The following MYH4 variants were observed in gnomAD, a reference collection of about 807,000 sequenced individuals.
The protein encoded by MYH4 is myosin heavy chain 4, also known as myosin-4.
Under a neutral mutation model 229.9 loss-of-function variants are expected in MYH4, and 200 were observed. That is an observed-to-expected ratio of 0.87 (90% confidence interval 0.78 to 0.98). The LOEUF (loss-of-function observed/expected upper bound fraction) is 0.98, where lower values mean the gene tolerates loss of function less well. MYH4 is among the 50% of genes least tolerant of loss of function. MYH4 has a pLI of 0.00. For missense variants in MYH4, 2,148 were observed against 2,332.6 expected (o/e 0.92, Z 1.63); for synonymous variants, 761 against 834.6 (o/e 0.91, Z 1.52).
intron 15 of MYH4, 131 bp from the exon 16 acceptor site, chr17:10,457,860 G>A: frequency 8.1e-7 from 1 of 1,237,058 alleles, no homozygotes; most frequent in Non-Finnish European, 1.1e-6. Flanking sequence ...GGCATGACAT[G>A]TGAAGCAGTC....
At chr17:10,455,778 A>G (rs2072632364) in intron 18 of MYH4, 36 bp downstream of exon 18, 2 of 1,614,198 alleles carry the variant, frequency 1.2e-6, no homozygotes, top group Non-Finnish European at 1.7e-6. Flanking sequence ...TATCGCACAC[A>G]CACTGGAGCT....
At chr17:10,468,750 A>C (rs2072792280) in intron 2 of MYH4, among the ~76,000 whole-genome samples, 1 of 152,216 alleles carries the variant, frequency 6.6e-6, no homozygotes, top group Non-Finnish European at 1.5e-5. Flanking sequence ...ACTGATGAGG[A>C]AACTAAGGCC....
At chr17:10,461,500 C>A (rs984318973) in intron 11 of MYH4, among the ~76,000 whole-genome samples, 8 of 152,056 alleles carry the variant, frequency 5.3e-5, no homozygotes, top group African/African-American at 1.9e-4. Context: ...AATGCATAAT[C>A]CCAGTCTACC....
At chr17:10,445,422 A>G (rs981971470) in intron 35 of MYH4, 60 bp from the exon 36 acceptor site, 1 of 1,603,378 alleles carries the variant, frequency 6.2e-7, no homozygotes, top group Non-Finnish European at 8.5e-7. Context: ...TCACATTGTC[A>G]TTTTACCTAG....
intron 34 of MYH4, 142 bp downstream of exon 34, chr17:10,447,676 G>A: frequency 1.2e-6 from 1 of 818,176 alleles, no homozygotes; most frequent in East Asian, 2.5e-5. Context: ...TTTTTCAGTT[G>A]TGTGTGTATA....
At chr17:10,469,124 A>T (rs2072796525) in intron 2 of MYH4, among the ~76,000 whole-genome samples, 164 bp downstream of exon 2, 1 of 152,206 alleles carries the variant, frequency 6.6e-6, no homozygotes, top group African/African-American at 2.4e-5. Flanking sequence ...TGTTTGATTA[A>T]GTGGCCTGAA....
At chr17:10,456,654 T>C (rs2072642323) in intron 16 of MYH4, 99 bp from the exon 17 acceptor site, 2 of 880,900 alleles carry the variant, frequency 2.3e-6, no homozygotes, top group African/African-American at 1.7e-5. Flanking sequence ...GAATTTAAAT[T>C]TGCACTCATT....
In MYH4 at chr17:10,450,755, G is replaced by A. The variant is rs375100378; in HGVS notation, c.3984+22C>T. 4 of 1,609,834 alleles carry A rather than the reference G, an allele frequency of 2.5e-6. No homozygotes were observed. The Admixed American group carries it at 6.7e-5, about 27-fold the overall frequency. ...TGTTGCACGGTTCAAGTGATTGAAA[G>A]TATCAGCTGGAGAATTCTCACCTTA... On this transcript the variant is annotated intron_variant, in intron 29 of 39. Transcript: ENST00000255381.
chr17:10,463,662 G>A lies in MYH4; in HGVS notation c.649-19C>T. 1 of 1,556,646 alleles carries A rather than the reference G, an allele frequency of 6.4e-7. No homozygotes were observed. Among genetic ancestry groups the A allele is most frequent in the Admixed American group, 1.9e-5 (1 of 53,750 alleles). On this transcript the variant is annotated intron_variant, in intron 7 of 39. Transcript: ENST00000255381. ...GGGTCCCCTTAAGAGAAATGAATAA[G>A]ACAGACAAAGAAAAAAGTTGCAGTA...
chr17:10,460,350 C>CAGTT, intron 12 of MYH4, 29 bp from the exon 13 acceptor site: 1 of 1,460,998 alleles, frequency 6.8e-7, no homozygotes, highest in Non-Finnish European at 9.5e-7. Context: ...AATGGTGAAA[C>CAGTT]TGACCATGGC....
At chr17:10,446,289 C>T (rs1028295294) in intron 35 of MYH4, among the ~76,000 whole-genome samples, 1 of 151,896 alleles carries the variant, frequency 6.6e-6, no homozygotes, top group Non-Finnish European at 1.5e-5. Flanking sequence ...GTAGAACATA[C>T]AAATTAGCAG....
intron 23 of MYH4, among the ~76,000 whole-genome samples, 155 bp from the exon 24 acceptor site, chr17:10,453,483 A>G (rs2072601297): frequency 6.6e-6 from 1 of 152,156 alleles, no homozygotes; most frequent in African/African-American, 2.4e-5. Flanking sequence ...AATAGGAGGT[A>G]AAGGTCAAGT....
chr17:10,466,366 A>G lies in MYH4; in HGVS notation c.255T>C (p.Tyr85=), dbSNP rs749991966. The G allele has an allele frequency of 2.5e-6, 4 of 1,614,144 alleles. No individual in the cohort carries two copies. The highest frequency in any genetic ancestry group is 3.4e-6 in the Non-Finnish European group (4 of 1,180,014). Residue 85 remains tyrosine, a synonymous_variant, in exon 4 of 40, where the codon TAT becomes TAC. Transcript: ENST00000255381. ...TCATGGCCATGTCCTCGATCTTGTCATATTTGGGAGGGTTCATGGAGAAGA... is the reference window on the plus strand; with the variant it reads ...TCATGGCCATGTCCTCGATCTTGTCGTATTTGGGAGGGTTCATGGAGAAGA... ...DQVFSMNPPK[Y]DKIEDMAMMT...
At chr17:10,450,317 G>T in intron 30 of MYH4, 136 bp downstream of exon 30, 1 of 1,393,690 alleles carries the variant, frequency 7.2e-7, no homozygotes, top group Non-Finnish European at 9.8e-7. Flanking sequence ...AGAATATGGT[G>T]GAATCCACCA....
chr17:10,451,827 A>T (rs915424586), intron 27 of MYH4, 114 bp downstream of exon 27: 2 of 1,338,682 alleles, frequency 1.5e-6, no homozygotes, highest in African/African-American at 1.5e-5. Flanking sequence ...GAGTAAGTTT[A>T]AGCTTCAGAT....
Position 10,452,346 on chromosome 17 carries a change from C to CA in MYH4, c.3349-17dup, listed in dbSNP as rs1332922444. 6.2e-7 allele frequency: 1 copy of CA among 1,614,110 alleles called. No individual in the cohort carries two copies. The highest frequency in any genetic ancestry group is 8.5e-7 in the Non-Finnish European group (1 of 1,180,012). ...CAATGCGGGCCTGGTTGTGATATGT[C>CA]AACATTAATGTGAATTTATGTCAGT... On this transcript the variant is annotated splice_polypyrimidine_tract_variant and intron_variant, in intron 26 of 39. Transcript: ENST00000255381.
chr17:10,450,368 A>G (rs2072558853), intron 30 of MYH4, 85 bp downstream of exon 30: 1 of 1,602,824 alleles, frequency 6.2e-7, no homozygotes, highest in Admixed American at 1.7e-5. Flanking sequence ...TGTGTCCCCA[A>G]GCCCGGAATA....
chr17:10,464,247 T>G (rs770177381), intron 7 of MYH4, among the ~76,000 whole-genome samples: 20 of 152,134 alleles, frequency 1.3e-4, no homozygotes, highest in Non-Finnish European at 2.8e-4. Context: ...TAGCTCTCAC[T>G]TATAAGAGAA....
In MYH4 at chr17:10,444,108, G is replaced by A. The variant is rs58354889; in HGVS notation, c.5667+496C>T. Among the ~76,000 whole-genome samples, 792 of 152,206 alleles carry A rather than the reference G, an allele frequency of 5.2e-3. 7 individuals carry two copies. Among genetic ancestry groups the A allele is most frequent in the African/African-American group, 0.018 (767 of 41,514 alleles). ...TGGAAGAACAAAGTAGCAGGGATCTGAATTCAATCTTGTTTCTAAAAAAGA... is the reference window on the plus strand; with the variant it reads ...TGGAAGAACAAAGTAGCAGGGATCTAAATTCAATCTTGTTTCTAAAAAAGA... On this transcript the variant is annotated intron_variant, in intron 39 of 39. Coordinates refer to ENST00000255381, the MANE Select transcript of MYH4 (RefSeq NM_017533.2).
Sources: allele counts gnomAD v4.1 joint callset (sites outside exome capture counted in the v4.1 genomes callset), GRCh38; gene constraint gnomAD v4.1.1; transcripts MANE v1.5; gene names NCBI Gene and HGNC (gene_info 2026-07-23, HGNC 2026-07-21).